Variants in SOX5 observed in about 807,000 individuals in gnomAD.
SOX5 encodes transcription factor SOX-5.
In SOX5, 9 loss-of-function variants were observed where a neutral mutation model predicts 92.0. That is an observed-to-expected ratio of 0.10 (90% CI 0.06 to 0.17). The LOEUF (loss-of-function observed/expected upper bound fraction) is 0.17, where lower values mean the gene tolerates loss of function less well. SOX5 is among the 10% of genes least tolerant of loss of function. SOX5 has a pLI of 1.00. For missense variants in SOX5, 642 were observed against 944.5 expected (o/e 0.68, Z 4.20); for synonymous variants, 344 against 336.3 (o/e 1.02, Z -0.25).
chr12:23,998,794 A>C (rs1951288458), intron 4 of SOX5, among the ~76,000 whole-genome samples: 1 of 114,808 alleles, frequency 8.7e-6, no homozygotes, highest in Non-Finnish European at 1.7e-5. Context: ...AGGTGGTGAG[A>C]CTCAGTCTCA....
chr12:24,330,786 T>C (rs919088457), intron 2 of SOX5, among the ~76,000 whole-genome samples: 17 of 152,228 alleles, frequency 1.1e-4, no homozygotes, highest in African/African-American at 4.1e-4. Flanking sequence ...AACACAATCA[T>C]TTGATTGGAG....
At chr12:24,499,835 TG>T (rs1208458673) in intron 1 of SOX5, among the ~76,000 whole-genome samples, 1 of 152,046 alleles carries the variant, frequency 6.6e-6, no homozygotes, top group Non-Finnish European at 1.5e-5. Flanking sequence ...TGTTAACTAT[TG>T]GAACAGAAAG....
At chr12:24,407,795 G>A (rs11047423) in intron 1 of SOX5, among the ~76,000 whole-genome samples, 19,996 of 152,194 alleles carry the variant, frequency 0.13, 1,659 homozygotes, top group East Asian at 0.2. Flanking sequence ...GAATTTGCCT[G>A]TTTCATTTAC....
intron 4 of SOX5, among the ~76,000 whole-genome samples, chr12:23,988,864 C>T (rs904586737): frequency 6.6e-6 from 1 of 152,150 alleles, no homozygotes; most frequent in African/African-American, 2.4e-5. Context: ...TGGAGCAATA[C>T]AGAGTCTCTT....
intron 3 of SOX5, among the ~76,000 whole-genome samples, chr12:24,246,441 C>CA (rs1938743398): frequency 6.6e-6 from 1 of 151,824 alleles, no homozygotes. Context: ...AGCATCATAC[C>CA]ACCTGAGAGA....
intron 2 of SOX5, among the ~76,000 whole-genome samples, chr12:23,881,610 T>C (rs1568590118): frequency 1.3e-5 from 2 of 152,212 alleles, no homozygotes; most frequent in South Asian, 4.1e-4. Context: ...TGTCTCATGA[T>C]TTGAGATTTA....
chr12:24,106,967 T>C (rs577110988), intron 4 of SOX5, among the ~76,000 whole-genome samples: 1 of 152,000 alleles, frequency 6.6e-6, no homozygotes, highest in South Asian at 2.1e-4. Context: ...GAGCCAAAAT[T>C]GTCACAAAAT....
At chr12:23,928,804 G>A (rs1417339116) in intron 1 of SOX5, among the ~76,000 whole-genome samples, 1 of 151,666 alleles carries the variant, frequency 6.6e-6, no homozygotes, top group East Asian at 1.9e-4. Flanking sequence ...AATAAAAGTA[G>A]CAGGCAATAG....
At chr12:24,273,004 G>A (rs11047341) in intron 3 of SOX5, among the ~76,000 whole-genome samples, 1,689 of 152,216 alleles carry the variant, frequency 0.011, 20 homozygotes, top group Middle Eastern at 0.027. Flanking sequence ...ATGCCAAGGC[G>A]GGTGGATCAC....
chr12:23,681,227 A>T (rs1188916889), intron 6 of SOX5, among the ~76,000 whole-genome samples: 2 of 152,006 alleles, frequency 1.3e-5, no homozygotes, highest in African/African-American at 4.8e-5. Context: ...CTCTGAGCAT[A>T]AGTAGAAATG....
At chr12:24,400,177 T>C (rs139157960) in intron 1 of SOX5, among the ~76,000 whole-genome samples, 1 of 152,246 alleles carries the variant, frequency 6.6e-6, no homozygotes, top group Admixed American at 6.5e-5. Context: ...AAAATTGGTC[T>C]TAAATTTAGA....
chr12:24,384,629 G>A (rs7972722), intron 1 of SOX5, among the ~76,000 whole-genome samples: 62,997 of 151,968 alleles, frequency 0.41, 13,199 homozygotes, highest in East Asian at 0.57. Flanking sequence ...GGAAAATGAA[G>A]TTAATGCTCA....
intron 2 of SOX5, among the ~76,000 whole-genome samples, chr12:23,885,370 C>G (rs1671638091): frequency 1.3e-5 from 2 of 152,148 alleles, no homozygotes; most frequent in Non-Finnish European, 1.5e-5. Flanking sequence ...ATCCTATCTC[C>G]ATTTTAATGT....
At chr12:24,301,854 CTAAGAA>C (rs933220465) in intron 2 of SOX5, among the ~76,000 whole-genome samples, 4 of 152,134 alleles carry the variant, frequency 2.6e-5, no homozygotes, top group African/African-American at 9.7e-5. Flanking sequence ...TTTTAACACA[CTAAGAA>C]TATTTTCCCC....
chr12:24,524,936 TC>T (rs1863224250), intron 1 of SOX5, among the ~76,000 whole-genome samples: 2 of 152,104 alleles, frequency 1.3e-5, no homozygotes, highest in South Asian at 4.1e-4. Flanking sequence ...TGCACTCCAC[TC>T]TGAGTGACAC....
At chr12:24,110,314 GAAC>G (rs1253497868) in intron 4 of SOX5, among the ~76,000 whole-genome samples, 2 of 152,146 alleles carry the variant, frequency 1.3e-5, no homozygotes, top group East Asian at 3.9e-4. Flanking sequence ...AAATCATAGA[GAAC>G]AACAACAACG....
At chr12:23,703,988 G>A (rs1427095852) in intron 6 of SOX5, among the ~76,000 whole-genome samples, 1 of 151,918 alleles carries the variant, frequency 6.6e-6, no homozygotes, top group African/African-American at 2.4e-5. Flanking sequence ...AAATAGATTG[G>A]GCACATGGGT....
chr12:24,467,827 G>A (rs1000855012), intron 1 of SOX5, among the ~76,000 whole-genome samples: 2 of 152,174 alleles, frequency 1.3e-5, no homozygotes, highest in African/African-American at 4.8e-5. Context: ...AGTGTATAAC[G>A]TTCAGTTTTG....
chr12:23,633,516 C>T (rs1196013614), intron 8 of SOX5, among the ~76,000 whole-genome samples: 1 of 151,854 alleles, frequency 6.6e-6, no homozygotes, highest in Non-Finnish European at 1.5e-5. Context: ...ATGAACCCCT[C>T]GCCTTTAAAA....
Sources: gnomAD v4.1 joint callset for allele counts (sites outside exome capture counted in the v4.1 genomes callset) on GRCh38, gnomAD v4.1.1 for gene constraint, MANE v1.5 for transcripts, NCBI Gene and HGNC (gene_info 2026-07-23, HGNC 2026-07-21) for gene names.